Variants in PTPRC observed in about 807,000 individuals in gnomAD.
The protein encoded by PTPRC is receptor-type tyrosine-protein phosphatase C.
In PTPRC, 44 loss-of-function variants were observed where a neutral mutation model predicts 155.9. The observed-to-expected ratio is 0.28, with a 90% CI of 0.22 to 0.36. PTPRC has a LOEUF of 0.36. Among genes scored for constraint, PTPRC ranks in the 10% least tolerant of loss-of-function variants. The pLI is 1.00. For missense variants in PTPRC, 1,401 were observed against 1,564.6 expected (o/e 0.90, Z 1.76); for synonymous variants, 525 against 533.1 (o/e 0.98, Z 0.21).
At chr1:198,647,043 C>T (rs564768992) in intron 2 of PTPRC, among the ~76,000 whole-genome samples, 27 of 151,894 alleles carry the variant, frequency 1.8e-4, no homozygotes, top group African/African-American at 6.5e-4. Flanking sequence ...AAAAATGTGA[C>T]CTTGTTTGGT....
intron 14 of PTPRC, among the ~76,000 whole-genome samples, chr1:198,719,000 T>C (rs1331318972): frequency 2.6e-5 from 4 of 152,190 alleles, no homozygotes; most frequent in Admixed American, 2.6e-4. Flanking sequence ...ACTATAACTA[T>C]GTTGGTCTCT....
In PTPRC at chr1:198,718,152, C is replaced by A; in HGVS notation, c.1509C>A (p.Val503=). The A allele has an allele frequency of 1.9e-6, 3 of 1,613,948 alleles. No homozygotes were observed. The highest frequency in any genetic ancestry group is 1.7e-6 in the Non-Finnish European group (2 of 1,179,866). ...TGACATCAGATAATAGTATGCATGTCAAGTGTAGGCCTCCCAGGGACCGTA... is the reference window on the plus strand; with the variant it reads ...TGACATCAGATAATAGTATGCATGTAAAGTGTAGGCCTCCCAGGGACCGTA... ...VSMTSDNSMH[V]KCRPPRDRNG... The change falls in exon 14 of 33, where the codon GTC becomes GTA. Residue 503 remains valine, a synonymous_variant. Transcript: ENST00000442510.
chr1:198,662,790 G>A (rs1477775598), intron 2 of PTPRC, among the ~76,000 whole-genome samples: 2 of 152,042 alleles, frequency 1.3e-5, no homozygotes, highest in Admixed American at 6.6e-5. Context: ...TTATGTTTCT[G>A]TTCTTTTAAC....
At chr1:198,711,976 A>G (rs932633763) in intron 11 of PTPRC, among the ~76,000 whole-genome samples, 2 of 152,148 alleles carry the variant, frequency 1.3e-5, no homozygotes, top group Non-Finnish European at 2.9e-5. Flanking sequence ...ACTACTAACT[A>G]TTGGTCAGGA....
Position 198,749,821 on chromosome 1 carries a change from A to G in PTPRC, c.3072+272A>G, listed in dbSNP as rs59271985. Among the ~76,000 whole-genome samples the G allele has an allele frequency of 0.19, 28,195 of 151,802 alleles. 3,167 individuals are homozygous for G. Among genetic ancestry groups the G allele is most frequent in the African/African-American group, 0.3 (12,243 of 41,458 alleles). On this transcript the variant is annotated intron_variant, in intron 28 of 32. Transcript: ENST00000442510. ...CTATAATCACATCAATTTTAAAAAT[A>G]GTAAAATTTGAGCAAATACAAGTAT...
intron 8 of PTPRC, among the ~76,000 whole-genome samples, chr1:198,705,807 C>T (rs1225376930): frequency 6.6e-6 from 1 of 152,176 alleles, no homozygotes; most frequent in Admixed American, 6.5e-5. Flanking sequence ...TCTGCTCCAA[C>T]CTCATCCCCC....
chr1:198,756,146 G>A lies in PTPRC; in HGVS notation c.3886G>A (p.Gly1296Ser), dbSNP rs559731288. The A allele has an allele frequency of 6.2e-7, 1 of 1,613,268 alleles. No homozygotes were observed. The highest frequency in any genetic ancestry group is 8.5e-7 in the Non-Finnish European group (1 of 1,179,592). Residue 1296 changes from glycine to serine, a missense_variant, in exon 33 of 33, where the codon GGT becomes AGT. This residue lies in a region of PTPRC where 400 missense variants were observed against 389.5 expected (regional missense o/e 1.03). Transcript: ENST00000442510. ...TGAGGGGCCAGAACATTCTGTCAAT[G>A]GTCCTGCAAGTCCAGCTTTAAATCA... ...GTEGPEHSVN[G>S]PASPALNQGS
chr1:198,746,296 G>T (rs1655129826), intron 26 of PTPRC, among the ~76,000 whole-genome samples: 2 of 151,802 alleles, frequency 1.3e-5, no homozygotes, highest in Non-Finnish European at 2.9e-5. Flanking sequence ...TGATTTGAAA[G>T]CAAATGAGTA....
chr1:198,650,974 C>T (rs1408860034), intron 2 of PTPRC, among the ~76,000 whole-genome samples: 2 of 151,776 alleles, frequency 1.3e-5, no homozygotes, highest in Non-Finnish European at 2.9e-5. Context: ...TGGTTGTGAA[C>T]ATGCAATTGG....
Position 198,699,806 on chromosome 1 carries a change from C to T in PTPRC, c.439+102C>T. 2.7e-6 allele frequency: 4 copies of T among 1,477,694 alleles called. No individual in the cohort carries two copies. The South Asian group carries it at 3.4e-5, about 13-fold the overall frequency. The allele number at this position is 1,477,694 out of a possible 1,614,324, so 91.5% of individuals were successfully genotyped here. ...ATCTAACCACTTATTCAATGTGCAG[C>T]TATTGCTAGTTGATGAATTTGGAAT... On this transcript the variant is annotated intron_variant, in intron 5 of 32. Transcript: ENST00000442510.
At chr1:198,664,165 A>G (rs1664143582) in intron 2 of PTPRC, among the ~76,000 whole-genome samples, 1 of 152,218 alleles carries the variant, frequency 6.6e-6, no homozygotes, top group Admixed American at 6.5e-5. Context: ...AATTGAGGAC[A>G]GTGTGGGTTT....
At chr1:198,676,288 T>C (rs542368799) in intron 2 of PTPRC, among the ~76,000 whole-genome samples, 3 of 152,304 alleles carry the variant, frequency 2.0e-5, no homozygotes, top group African/African-American at 7.2e-5. Context: ...CTTTTGACAT[T>C]TGGGAATCAG....
At position 198,646,064 on chromosome 1, in the gene PTPRC, A is replaced by C. The variant is rs138074888; in HGVS notation, c.73+6723A>C. Among the ~76,000 whole-genome samples the C allele has an allele frequency of 2.1e-3, 314 of 151,966 alleles. 12 individuals carry two copies. The East Asian group carries it at 0.056, about 27-fold the overall frequency. ...ATGTTTTGGCTCAACTTTTATGAAA[A>C]CAAATATTTAATTAGAATATACCAA... On this transcript the variant is annotated intron_variant, in intron 2 of 32. Coordinates refer to ENST00000442510, the MANE Select transcript of PTPRC (RefSeq NM_002838.5).
At chr1:198,734,603 A>G (rs1654541982) in intron 22 of PTPRC, among the ~76,000 whole-genome samples, 178 bp downstream of exon 22, 1 of 151,824 alleles carries the variant, frequency 6.6e-6, no homozygotes, top group Non-Finnish European at 1.5e-5. Context: ...AACTTTTAAC[A>G]TACAAATATA....
intron 2 of PTPRC, among the ~76,000 whole-genome samples, chr1:198,677,214 A>T (rs1665004435): frequency 6.6e-6 from 1 of 152,176 alleles, no homozygotes. Context: ...CCAACCTTGC[A>T]TTCCTAAGTT....
rs568719642 is a variant in PTPRC at position 198,744,049 on chromosome 1, T to G, written c.2698-5T>G. 6.3e-7 allele frequency: 1 copy of G among 1,597,038 alleles called. No individual in the cohort carries two copies. Among genetic ancestry groups the G allele is most frequent in the Admixed American group, 1.7e-5 (1 of 59,742 alleles). On this transcript the variant is annotated splice_region_variant and splice_polypyrimidine_tract_variant and intron_variant, in intron 25 of 32. Coordinates refer to ENST00000442510, the MANE Select transcript of PTPRC (RefSeq NM_002838.5). ...AACTATCTGTATTTGTTCTTGAAAT[T>G]GTAGGCCCAGTACATCTTGATCCAT...
intron 13 of PTPRC, 139 bp downstream of exon 13, chr1:198,716,979 C>A: frequency 4.0e-6 from 3 of 745,886 alleles, no homozygotes; most frequent in Non-Finnish European, 6.6e-6. Flanking sequence ...CTTATAAACA[C>A]GTAAAATCTA....
chr1:198,742,423 T>A, intron 25 of PTPRC, 56 bp downstream of exon 25: 1 of 1,587,736 alleles, frequency 6.3e-7, no homozygotes, highest in Non-Finnish European at 8.6e-7. Context: ...CTTAAATCTT[T>A]TCCAAGTGAT....
intron 2 of PTPRC, among the ~76,000 whole-genome samples, chr1:198,642,041 T>G (rs567968808): frequency 6.6e-6 from 1 of 152,094 alleles, no homozygotes; most frequent in African/African-American, 2.4e-5. Flanking sequence ...TGAAAAAAAA[T>G]GTCCTACTAA....
Sources: gnomAD v4.1 joint callset for allele counts (sites outside exome capture counted in the v4.1 genomes callset) on GRCh38, gnomAD v4.1.1 for gene constraint, gnomAD v4.1.1 regional missense constraint, MANE v1.5 for transcripts, NCBI Gene and HGNC (gene_info 2026-07-23, HGNC 2026-07-21) for gene names.